PHKA2: variants seen among roughly 807,000 people sequenced by gnomAD.
PHKA2 encodes the protein phosphorylase b kinase regulatory subunit alpha, liver isoform.
PHKA2 carries 31 observed loss-of-function variants against 102.0 expected under a neutral mutation model. That is an observed-to-expected ratio of 0.30 (90% CI 0.23 to 0.41). The LOEUF (loss-of-function observed/expected upper bound fraction) is 0.41. PHKA2 is among the 10% of genes least tolerant of loss of function. The probability of loss-of-function intolerance (pLI) is 1.00; values close to 1 mark genes in which losing one functional copy is unlikely to be tolerated. For missense variants in PHKA2, 858 were observed against 1,023.1 expected (o/e 0.84, Z 2.20); for synonymous variants, 455 against 416.2 (o/e 1.09, Z -1.13).
At chrX:18,896,533 C>T (rs1036418554) in intron 30 of PHKA2, 1 of 115,714 alleles carries the variant, frequency 8.6e-6, no homozygotes, top group Non-Finnish European at 1.8e-5. Flanking sequence ...TGGGGCTAAA[C>T]TGGAAGCTCT....
In PHKA2 at chrX:18,943,816, C is replaced by T; in HGVS notation, c.619-8G>A. On this transcript the variant is annotated splice_region_variant and splice_polypyrimidine_tract_variant and intron_variant, in intron 6 of 32. Transcript: ENST00000379942. ...AATTGCCTCAAGAGCTGCCTACAAACACAGGTATGAGTTACTTTTTCTTTC... is the reference window on the plus strand; with the variant it reads ...AATTGCCTCAAGAGCTGCCTACAAATACAGGTATGAGTTACTTTTTCTTTC... 1 of 1,161,995 alleles carries T rather than the reference C, an allele frequency of 8.6e-7. No individual in the cohort carries two copies. Among genetic ancestry groups the T allele is most frequent in the Non-Finnish European group, 1.2e-6 (1 of 850,097 alleles).
In PHKA2 at chrX:18,980,948, A is replaced by G. The variant is rs147696920; in HGVS notation, c.78+2907T>C. Among the ~76,000 whole-genome samples the G allele has an allele frequency of 3.9e-3, 439 of 112,130 alleles. 5 individuals are homozygous for G. The highest frequency in any genetic ancestry group is 0.013 in the African/African-American group (412 of 30,863). ...TCAATTTAAAAAGCAAATCAGAAAC[A>G]GAGTTTAGAACTTGTTACCAGCTGA... On this transcript the variant is annotated intron_variant, in intron 1 of 32. Transcript: ENST00000379942.
In PHKA2 at chrX:18,946,340, G is replaced by A. The variant is rs767095269; in HGVS notation, c.538-1182C>T. Among the ~76,000 whole-genome samples the A allele has an allele frequency of 3.6e-5, 4 of 111,383 alleles. No homozygotes were observed. The East Asian group carries it at 1.1e-3, about 31-fold the overall frequency. On this transcript the variant is annotated intron_variant, in intron 5 of 32. Coordinates refer to ENST00000379942, the MANE Select transcript of PHKA2 (RefSeq NM_000292.3). ...CTTCCCTTGAGCACTCTTCTCATCT[G>A]CGCCTTCCTGCAGCCCAACCCACCT...
rs1397680724 is a variant in PHKA2 at position 18,921,380 on chromosome X, C to T, written c.1794-1179G>A. On this transcript the variant is annotated intron_variant, in intron 17 of 32. Coordinates refer to ENST00000379942, the MANE Select transcript of PHKA2 (RefSeq NM_000292.3). ...GGTGGAGGTTGCAGTGAGCCGAGAT[C>T]GCGCCACTGTACTCCAGCCTGGGCG... Among the ~76,000 whole-genome samples, 5 of 110,903 alleles carry T rather than the reference C, an allele frequency of 4.5e-5. No homozygotes were observed. In the East Asian group the frequency reaches 1.1e-3, roughly 25 times the overall value.
chrX:18,983,370 A>G (rs1395740825), intron 1 of PHKA2, among the ~76,000 whole-genome samples: 1 of 112,390 alleles, frequency 8.9e-6, no homozygotes. Context: ...TATCTGTAAA[A>G]TAGCAACCAA....
At chrX:18,970,147 G>A (rs367599001) in intron 1 of PHKA2, among the ~76,000 whole-genome samples, 2 of 112,116 alleles carry the variant, frequency 1.8e-5, no homozygotes, top group East Asian at 5.6e-4. Context: ...GCTGAGGTGG[G>A]AGGATCACTT....
At chrX:18,977,932 C>T (rs868748666) in intron 1 of PHKA2, among the ~76,000 whole-genome samples, 1 of 111,780 alleles carries the variant, frequency 8.9e-6, no homozygotes, top group East Asian at 2.8e-4. Flanking sequence ...GAGGCCGAGG[C>T]GGGCAGATCA....
chrX:18,971,328 C>G (rs1169531095), intron 1 of PHKA2, among the ~76,000 whole-genome samples: 1 of 112,114 alleles, frequency 8.9e-6, no homozygotes, highest in East Asian at 2.8e-4. Context: ...TGAAGTTGAG[C>G]CATCTTTTAG....
chrX:18,961,607 G>C (rs1223800403), intron 1 of PHKA2, among the ~76,000 whole-genome samples: 1 of 97,930 alleles, frequency 1.0e-5, no homozygotes, highest in African/African-American at 3.9e-5. Flanking sequence ...GCAGTGAGCT[G>C]AGACGGTGCC....
At chrX:18,922,739 GTTTTAC>G (rs1469177633) in intron 17 of PHKA2, among the ~76,000 whole-genome samples, 1 of 111,607 alleles carries the variant, frequency 9.0e-6, no homozygotes, top group Non-Finnish European at 1.9e-5. Context: ...TGGGTGTACA[GTTTTAC>G]TTGTTGCAAA....
chrX:18,893,792 C>T (rs2047476000), intron 32 of PHKA2, 137 bp from the exon 33 acceptor site: 2 of 592,496 alleles, frequency 3.4e-6, no homozygotes, highest in Non-Finnish European at 5.6e-6. Context: ...TGAGAGGCTC[C>T]AATTCTGAGG....
In PHKA2 at chrX:18,910,773, T is replaced by C. The variant is rs2047908234; in HGVS notation, c.2226+99A>G. On this transcript the variant is annotated intron_variant, in intron 20 of 32. Transcript: ENST00000379942. The stretch of plus-strand genomic sequence containing the variant: ...GAAAGGTCCCTGATATCGAGAAATA[T>C]GCTGTTTCTTTTGAGTTTAGCCATT... 7.8e-6 allele frequency: 4 copies of C among 512,359 alleles called. No homozygotes were observed. In the Admixed American group the frequency reaches 9.5e-5, roughly 12 times the overall value. 42.2% of individuals were successfully genotyped at this position (512,359 alleles called of 1,213,427 possible).
chrX:18,924,082 T>C lies in PHKA2; in HGVS notation c.1767A>G (p.Leu589=), dbSNP rs148153758. The C allele has an allele frequency of 1.6e-4, 198 of 1,202,516 alleles. 1 individual carries two copies. In the African/African-American group the frequency reaches 3.2e-3, roughly 19 times the overall value. The change falls in exon 17 of 33, where the codon CTA becomes CTG. Residue 589 remains leucine (L), a synonymous_variant. Transcript: ENST00000379942. The part of the protein sequence containing the change: ...HSAVLSTIRK[L]EDGYFGGARV... ...TGGCTCCTCCAAAATATCCATCCTCTAGTTTTCTAATTGTGGAGAGCACAG... is the reference window on the plus strand; with the variant it reads ...TGGCTCCTCCAAAATATCCATCCTCCAGTTTTCTAATTGTGGAGAGCACAG...
intron 20 of PHKA2, among the ~76,000 whole-genome samples, chrX:18,910,647 A>T (rs774487448): frequency 1.8e-4 from 20 of 112,068 alleles, no homozygotes; most frequent in Admixed American, 1.6e-3. Context: ...CTACAGGCAA[A>T]ATGTAAAGGT....
chrX:18,942,754 G>A (rs766439347), intron 7 of PHKA2, among the ~76,000 whole-genome samples: 2 of 109,319 alleles, frequency 1.8e-5, no homozygotes, highest in South Asian at 8.0e-4. Context: ...AAGCTGAGGC[G>A]GGAGGACTGC....
In PHKA2 at chrX:18,893,352, T is replaced by A. The variant is rs746781873; in HGVS notation, c.*133A>T. On this transcript the variant is annotated 3_prime_UTR_variant, in exon 33 of 33. Coordinates refer to ENST00000379942, the MANE Select transcript of PHKA2 (RefSeq NM_000292.3). ...ATCAGTTTCAGGGTGAGTGCTACCATTGCCCCCCGAGAGTGTTTCTGATGG... is the reference window on the plus strand; with the variant it reads ...ATCAGTTTCAGGGTGAGTGCTACCAATGCCCCCCGAGAGTGTTTCTGATGG... The A allele has an allele frequency of 3.1e-6, 2 of 638,898 alleles. No homozygotes were observed. The highest frequency in any genetic ancestry group is 4.7e-5 in the Admixed American group (2 of 42,268). 52.7% of individuals were successfully genotyped at this position (638,898 alleles called of 1,213,427 possible).
Position 18,920,092 on chromosome X carries a change from T to C in PHKA2, c.1903A>G (p.Thr635Ala). 1 of 1,194,657 alleles carries C rather than the reference T, an allele frequency of 8.4e-7. No homozygotes were observed. The highest frequency in any genetic ancestry group is 1.1e-6 in the Non-Finnish European group (1 of 879,975). The change falls in exon 18 of 33, where the codon ACT (threonine) becomes GCT (alanine). Residue 635 changes from threonine (T) to alanine (A), a missense_variant. By Grantham distance (58) the Thr-to-Ala change is moderately conservative. Transcript: ENST00000379942. ...EKLFDNASEG[T>A]FSPDSDSDLV... ...TCTGAATCACTATCAGGACTGAAAG[T>C]CCCTTCGCTGGCATTGTCAAACAAC...
chrX:18,914,920 C>T (rs1297728869), intron 19 of PHKA2, among the ~76,000 whole-genome samples: 6 of 111,227 alleles, frequency 5.4e-5, no homozygotes, highest in Non-Finnish European at 7.5e-5. Flanking sequence ...TGAAGGAGGA[C>T]GCTCATGTGG....
rs1453167089 is a variant in PHKA2 at position 18,929,219 on chromosome X, C to T, written c.1324+9G>A. 9.0e-7 allele frequency: 1 copy of T among 1,108,759 alleles called. No homozygotes were observed. The highest frequency in any genetic ancestry group is 1.8e-5 in the African/African-American group (1 of 54,874). The allele number at this position is 1,108,759 out of a possible 1,213,427, so 91.4% of individuals were successfully genotyped here. On this transcript the variant is annotated intron_variant, in intron 13 of 32. Coordinates refer to ENST00000379942, the MANE Select transcript of PHKA2 (RefSeq NM_000292.3). ...AAGTTAAATATGAACAGTAAACACG[C>T]TCACAAACCTTGTACTACAACATCA...
Sources: allele counts gnomAD v4.1 joint callset (sites outside exome capture counted in the v4.1 genomes callset), GRCh38; gene constraint gnomAD v4.1.1; transcripts MANE v1.5; gene names NCBI Gene and HGNC (gene_info 2026-07-23, HGNC 2026-07-21).